The following FGL1 variants were observed in gnomAD, a reference collection of about 807,000 sequenced individuals.
FGL1 encodes fibrinogen like 1.
A neutral mutation model predicts 43.7 loss-of-function variants in FGL1; 59 were observed. The observed-to-expected ratio is 1.35, with a 90% CI of 1.10 to 1.68. FGL1 has a LOEUF of 1.68. Ranked by LOEUF, FGL1 falls within the 40% of genes most tolerant of loss-of-function variation. The probability of loss-of-function intolerance (pLI) is 0.00; values close to 1 mark genes in which losing one functional copy is unlikely to be tolerated. For missense variants in FGL1, 596 were observed against 373.0 expected, an observed-to-expected ratio of 1.60 and a Z score of -4.92; for synonymous variants, 192 against 126.5, an observed-to-expected ratio of 1.52 and a Z score of -3.48.
At chr8:17,879,139 A>G (rs1227992636) in intron 3 of FGL1, among the ~76,000 whole-genome samples, 1 of 151,778 alleles carries the variant, frequency 6.6e-6, no homozygotes, top group Non-Finnish European at 1.5e-5. Flanking sequence ...ATCAAAAAAC[A>G]GTCATCTAGA....
At chr8:17,864,807 C>A in intron 7 of FGL1, 56 bp from the exon 8 acceptor site, 1 of 1,327,220 alleles carries the variant, frequency 7.5e-7, no homozygotes, top group South Asian at 2.5e-5. Context: ...AAATATTGTT[C>A]AGAATCCCTT....
At position 17,874,465 on chromosome 8, in the gene FGL1, G is replaced by A; in HGVS notation, c.301C>T (p.Pro101Ser). The A allele has an allele frequency of 6.2e-7, 1 of 1,613,966 alleles. No individual in the cohort carries two copies. Among genetic ancestry groups the A allele is most frequent in the Non-Finnish European group, 8.5e-7 (1 of 1,179,920 alleles). The change falls in exon 4 of 8, where the codon CCT (proline) becomes TCT (serine). Residue 101 changes from proline (P) to serine (S), a missense_variant. Physicochemically the swap from Pro to Ser is moderately conservative, Grantham distance 74. Coordinates refer to ENST00000427924, the MANE Select transcript of FGL1 (RefSeq NM_004467.4). ...YKLSGFYKIK[P>S]LQSPAEFSVY... ...GAAAATTCTGCTGGGCTCTGGAGAG[G>A]TTTGATTTTGTAAAATCCACTGAGC...
At chr8:17,886,972 T>C (rs2653423) in intron 1 of FGL1, among the ~76,000 whole-genome samples, 101,089 of 151,974 alleles carry the variant, frequency 0.67, 34,353 homozygotes, top group Middle Eastern at 0.74. Flanking sequence ...CTCATCTAAA[T>C]CCTGTGCAGC....
chr8:17,883,959 C>T (rs1563458938), intron 2 of FGL1, among the ~76,000 whole-genome samples: 5 of 134,150 alleles, frequency 3.7e-5, no homozygotes, highest in African/African-American at 5.5e-5. Flanking sequence ...TCCTTCCTTT[C>T]TTTTCTTTCC....
chr8:17,881,137 G>C (rs35244803), intron 3 of FGL1, among the ~76,000 whole-genome samples: 1 of 80,768 alleles, frequency 1.2e-5, no homozygotes, highest in Non-Finnish European at 2.6e-5. Flanking sequence ...TGTGTACACG[G>C]ATTTTTTTTT....
rs1172572579 is a variant in FGL1 at position 17,875,481 on chromosome 8, CTCTT to C, written c.245-964_245-961del. On this transcript the variant is annotated intron_variant, in intron 3 of 7. Coordinates refer to ENST00000427924, the MANE Select transcript of FGL1 (RefSeq NM_004467.4). ...CCCCTTTGTCACCAAAAAGTGATAT[CTCTT>C]TCTTTCTTTCTTTCTTTCTTTCTTT... Among the ~76,000 whole-genome samples, 176 of 129,772 alleles carry C rather than the reference CTCTT, an allele frequency of 1.4e-3. 9 individuals carry two copies. Among genetic ancestry groups the C allele is most frequent in the South Asian group, 5.7e-3 (21 of 3,668 alleles). The allele number at this position is 129,772 out of a possible 152,430, so 85.1% of individuals were successfully genotyped here.
At chr8:17,867,781 A>G (rs558441206) in intron 7 of FGL1, among the ~76,000 whole-genome samples, 2 of 152,218 alleles carry the variant, frequency 1.3e-5, no homozygotes, top group South Asian at 2.1e-4. Context: ...CATGCAATTT[A>G]AAACTTATGA....
In FGL1 at chr8:17,892,324, G is replaced by C. The variant is rs543751401; in HGVS notation, c.-18+3123C>G. 9.9e-5 allele frequency among the ~76,000 whole-genome samples: 15 copies of C among 152,028 alleles called. No individual in the cohort carries two copies. The East Asian group carries it at 2.5e-3, about 25-fold the overall frequency. On this transcript the variant is annotated intron_variant, in intron 1 of 7. Coordinates refer to ENST00000427924, the MANE Select transcript of FGL1 (RefSeq NM_004467.4). ...AACATTTTATTATAAGGAAGCAAAA[G>C]AAAATAAAGATGGAAAACAAAATAT...
At chr8:17,879,754 T>C (rs2053507351) in intron 3 of FGL1, among the ~76,000 whole-genome samples, 1 of 152,098 alleles carries the variant, frequency 6.6e-6, no homozygotes, top group Non-Finnish European at 1.5e-5. Context: ...CGACCCAGCC[T>C]CATTCATTTC....
At chr8:17,887,098 G>T (rs930650774) in intron 1 of FGL1, among the ~76,000 whole-genome samples, 3 of 152,114 alleles carry the variant, frequency 2.0e-5, no homozygotes, top group Non-Finnish European at 1.5e-5. Context: ...GGAGGAGAGA[G>T]ACCCTGTTCA....
At chr8:17,881,765 C>T (rs915012270) in intron 3 of FGL1, among the ~76,000 whole-genome samples, 1 of 149,104 alleles carries the variant, frequency 6.7e-6, no homozygotes, top group Non-Finnish European at 1.5e-5. Context: ...ACCTGGTAGA[C>T]GGAGCTTGCA....
chr8:17,874,187 C>A (rs1300118445), intron 4 of FGL1, 71 bp from the exon 5 acceptor site: 4 of 1,368,448 alleles, frequency 2.9e-6, no homozygotes, highest in Middle Eastern at 1.8e-4. Flanking sequence ...ACCACCCACC[C>A]CCTGCTACCA....
At chr8:17,884,675 T>C (rs1024078699) in intron 2 of FGL1, among the ~76,000 whole-genome samples, 1 of 152,182 alleles carries the variant, frequency 6.6e-6, no homozygotes, top group Non-Finnish European at 1.5e-5. Flanking sequence ...GGTTGTGATA[T>C]TGTTAAACAT....
At chr8:17,864,953 AT>A (rs897920117) in intron 7 of FGL1, among the ~76,000 whole-genome samples, 52 of 151,188 alleles carry the variant, frequency 3.4e-4, no homozygotes, top group African/African-American at 1.2e-3. Context: ...TTATTTTTTA[AT>A]TTTTTTTTAA....
At position 17,868,644 on chromosome 8, in the gene FGL1, C is replaced by T. The variant is rs750277256; in HGVS notation, c.683G>A (p.Ser228Asn). The T allele has an allele frequency of 1.2e-6, 2 of 1,614,130 alleles. No individual in the cohort carries two copies. The highest frequency in any genetic ancestry group is 1.7e-6 in the Non-Finnish European group (2 of 1,180,008). Reference protein sequence around the residue: ...NFHPEVQWWASHQRMKFSTWD... With the variant: ...NFHPEVQWWANHQRMKFSTWD... The stretch of plus-strand genomic sequence containing the variant: ...CGTGCTGAATTTCATTCTTTGGTGA[C>T]TAGCCCACCACTGCACCTCAGGATG... Residue 228 changes from serine to asparagine, a missense_variant, in exon 7 of 8, where the codon AGT becomes AAT. Coordinates refer to ENST00000427924, the MANE Select transcript of FGL1 (RefSeq NM_004467.4).
rs34882042 is a variant in FGL1 at position 17,867,624 on chromosome 8, T to C, written c.779+924A>G. Reference sequence around the variant, plus strand: ...AAGCATGATTCGAACACGAGCACTATGAAACTCCAACACTGGATCTGATAA... The same window carrying C: ...AAGCATGATTCGAACACGAGCACTACGAAACTCCAACACTGGATCTGATAA... On this transcript the variant is annotated intron_variant, in intron 7 of 7. Transcript: ENST00000427924. Among the ~76,000 whole-genome samples the C allele has an allele frequency of 2.8e-3, 425 of 152,352 alleles. 2 individuals are homozygous for C. The highest frequency in any genetic ancestry group is 9.9e-3 in the African/African-American group (412 of 41,584).
chr8:17,874,766 G>C (rs986203767), intron 3 of FGL1: 6 of 310,134 alleles, frequency 1.9e-5, no homozygotes, highest in Non-Finnish European at 3.5e-5. Context: ...AGTGAAATAA[G>C]AATCTAGTTT....
chr8:17,870,234 T>A (rs889297909), intron 5 of FGL1, among the ~76,000 whole-genome samples: 1 of 152,202 alleles, frequency 6.6e-6, no homozygotes, highest in Non-Finnish European at 1.5e-5. Flanking sequence ...CTTTAATGAC[T>A]GTAAAAATTC....
At chr8:17,876,672 C>A (rs552482536) in intron 3 of FGL1, among the ~76,000 whole-genome samples, 1 of 152,214 alleles carries the variant, frequency 6.6e-6, no homozygotes, top group African/African-American at 2.4e-5. Context: ...GATTTTAGCC[C>A]TATTTGGAAA....
Sources: gnomAD v4.1 joint callset for allele counts (sites outside exome capture counted in the v4.1 genomes callset) on GRCh38, gnomAD v4.1.1 for gene constraint, MANE v1.5 for transcripts, NCBI Gene and HGNC (gene_info 2026-07-23, HGNC 2026-07-21) for gene names.